MBTPS2: variants seen among roughly 807,000 people sequenced by gnomAD.
MBTPS2 encodes the protein membrane bound transcription factor peptidase, site 2.
Under a neutral mutation model 35.4 loss-of-function variants are expected in MBTPS2, and 2 were observed. That is an observed-to-expected ratio of 0.06 (90% confidence interval 0.02 to 0.18). The LOEUF is 0.18. Among genes scored for constraint, MBTPS2 ranks in the 10% least tolerant of loss-of-function variants. The pLI, the probability that MBTPS2 is intolerant of heterozygous loss-of-function variation, is 1.00. For missense variants in MBTPS2, 244 were observed against 386.5 expected (o/e 0.63, Z 3.09); for synonymous variants, 125 against 140.4 (o/e 0.89, Z 0.77).
In MBTPS2 at chrX:21,845,047, A is replaced by G. The variant is rs916062308; in HGVS notation, c.225-124A>G. On this transcript the variant is annotated intron_variant, in intron 2 of 10. Coordinates refer to ENST00000379484, the MANE Select transcript of MBTPS2 (RefSeq NM_015884.4). ...ATTTGAAGTTCATGTAGGAAAAAGA[A>G]GCAGAGTTACTGAAATTTTTTAGCC... 6.7e-6 allele frequency: 7 copies of G among 1,043,541 alleles called. No homozygotes were observed. The African/African-American group carries it at 7.4e-5, about 11-fold the overall frequency. 86.0% of individuals were successfully genotyped at this position (1,043,541 alleles called of 1,213,427 possible). A position where few individuals can be genotyped will look rare whatever the true frequency, so the allele number is the denominator to read the frequency against.
rs181476061 is a variant in MBTPS2, at chrX:21,871,775, G to A, written c.970+2097G>A. On this transcript the variant is annotated intron_variant, in intron 7 of 10. Transcript: ENST00000379484. ...TTTTGTTGAATTTCCTAAATTCTGG[G>A]TTTTTCTGGTTATATCTTATCCTCA... 18 of 111,086 alleles carry A rather than the reference G, an allele frequency of 1.6e-4. No homozygotes were observed. The East Asian group carries it at 5.0e-3, about 31-fold the overall frequency. The allele number at this position is 111,086 out of a possible 1,213,427, so 9.2% of individuals were successfully genotyped here.
intron 5 of MBTPS2, chrX:21,856,974 C>T: frequency 8.3e-7 from 1 of 1,212,110 alleles, no homozygotes; most frequent in Non-Finnish European, 1.1e-6. Context: ...CAGCTCCAGC[C>T]TGGGCACGAG....
chrX:21,857,010 G>A (rs763229180), intron 5 of MBTPS2: 2 of 1,211,991 alleles, frequency 1.7e-6, no homozygotes, highest in East Asian at 3.0e-5. Flanking sequence ...GCAAATGCAG[G>A]TCAAAACGCT....
At chrX:21,868,674 T>G in intron 6 of MBTPS2, 89 bp downstream of exon 6, 2 of 640,446 alleles carry the variant, frequency 3.1e-6, no homozygotes, top group Non-Finnish European at 5.3e-6. Flanking sequence ...TCAAGATCTC[T>G]TCATATACAA....
chrX:21,840,123 G>C (rs1042236968), intron 1 of MBTPS2, among the ~76,000 whole-genome samples: 1 of 112,617 alleles, frequency 8.9e-6, no homozygotes. Flanking sequence ...GTGCAGCAGG[G>C]AGGAAAAGAA....
chrX:21,855,556 C>T (rs112898280), intron 5 of MBTPS2, among the ~76,000 whole-genome samples: 1 of 109,683 alleles, frequency 9.1e-6, no homozygotes, highest in South Asian at 4.0e-4. Context: ...CTCAGCCTCC[C>T]GAGTAGCTAG....
chrX:21,878,615 C>T lies in MBTPS2; in HGVS notation c.1184C>T (p.Thr395Ile). 1 of 1,206,124 alleles carries T rather than the reference C, an allele frequency of 8.3e-7. No homozygotes were observed. Among genetic ancestry groups the T allele is most frequent in the Non-Finnish European group, 1.1e-6 (1 of 890,721 alleles). The change falls in exon 9 of 11, where the codon ACT (threonine) becomes ATT (isoleucine). Residue 395 changes from threonine (T) to isoleucine (I), a missense_variant. Coordinates refer to ENST00000379484, the MANE Select transcript of MBTPS2 (RefSeq NM_015884.4). ...FCIIPSLETHTRLIKVKHPPQ... is the reference protein window; with the variant it reads ...FCIIPSLETHIRLIKVKHPPQ... ...ATAATACCTTCTTTGGAAACTCACACTCGCTTAATAAAAGTAAAACACCCA... is the reference window on the plus strand; with the variant it reads ...ATAATACCTTCTTTGGAAACTCACATTCGCTTAATAAAAGTAAAACACCCA...
rs2092960889 is a variant in MBTPS2, at chrX:21,882,855, A to G, written c.*200A>G. ...GATAAGCAGAAGAAATGAAAGGCATAGTCCCTGACTATATTCTAATTTAGG... is the reference window on the plus strand; with the variant it reads ...GATAAGCAGAAGAAATGAAAGGCATGGTCCCTGACTATATTCTAATTTAGG... On this transcript the variant is annotated 3_prime_UTR_variant, in exon 11 of 11. Coordinates refer to ENST00000379484, the MANE Select transcript of MBTPS2 (RefSeq NM_015884.4). 2 of 1,085,358 alleles carry G rather than the reference A, an allele frequency of 1.8e-6. No homozygotes were observed. The highest frequency in any genetic ancestry group is 1.8e-5 in the African/African-American group (1 of 54,158). The allele number at this position is 1,085,358 out of a possible 1,213,427, so 89.4% of individuals were successfully genotyped here. A position where few individuals can be genotyped will look rare whatever the true frequency, so the allele number is the denominator to read the frequency against.
In MBTPS2 at chrX:21,878,663, T is replaced by C. The variant is rs1450771100; in HGVS notation, c.1232T>C (p.Val411Ala). Residue 411 changes from valine (V) to alanine (A), a missense_variant, in exon 9 of 11, where the codon GTA becomes GCA. Transcript: ENST00000379484. ...KHPPQIDMLY[V>A]GHPLHLHYTV... is the part of the protein sequence containing the mutation. ...CCACCTCAGATTGATATGTTATACG[T>C]AGGACATCCTCTGCATCTTCACTAC... The C allele has an allele frequency of 8.3e-7, 1 of 1,206,667 alleles. No individual in the cohort carries two copies. Among genetic ancestry groups the C allele is most frequent in the Non-Finnish European group, 1.1e-6 (1 of 891,086 alleles).
Position 21,884,072 on chromosome X carries a change from T to A in MBTPS2, c.*1417T>A, listed in dbSNP as rs1224626535. The A allele has an allele frequency of 1.3e-6, 1 of 751,227 alleles. No individual in the cohort carries two copies. The highest frequency in any genetic ancestry group is 8.8e-5 in the Admixed American group (1 of 11,347). The allele number at this position is 751,227 out of a possible 1,213,427, so 61.9% of individuals were successfully genotyped here. ...GGTTACCTTTTTCAGATTATTGAGT[T>A]GCTCTGTAAGCACTAAAACTTTTTA... On this transcript the variant is annotated 3_prime_UTR_variant, in exon 11 of 11. Coordinates refer to ENST00000379484, the MANE Select transcript of MBTPS2 (RefSeq NM_015884.4).
intron 5 of MBTPS2, chrX:21,857,678 C>T: frequency 9.8e-7 from 1 of 1,020,642 alleles, no homozygotes; most frequent in Non-Finnish European, 1.3e-6. Context: ...CCTCTCAAAG[C>T]TTTGTATGTT....
intron 5 of MBTPS2, among the ~76,000 whole-genome samples, chrX:21,867,632 CTTTTT>C (rs11290067): frequency 2.4e-5 from 2 of 84,309 alleles, no homozygotes; most frequent in Admixed American, 2.8e-4. Flanking sequence ...ACGGTTTTCT[CTTTTT>C]TTTTTTTTTT....
chrX:21,854,128 A>G (rs143549437), intron 5 of MBTPS2, among the ~76,000 whole-genome samples: 4,782 of 112,189 alleles, frequency 0.043, 115 homozygotes, highest in Non-Finnish European at 0.061. Flanking sequence ...AAATATAAAT[A>G]CTAATTTCCT....
chrX:21,853,559 A>G (rs966914055), intron 5 of MBTPS2, 56 bp downstream of exon 5: 21 of 1,113,705 alleles, frequency 1.9e-5, no homozygotes, highest in Non-Finnish European at 2.6e-5. Flanking sequence ...TTGATTTTCT[A>G]TGGTTAGTGC....
At chrX:21,876,763 C>A (rs1315215893) in intron 7 of MBTPS2, among the ~76,000 whole-genome samples, 5 of 111,272 alleles carry the variant, frequency 4.5e-5, no homozygotes, top group African/African-American at 6.5e-5. Context: ...AAACAAAAAA[C>A]TATTTAAAAA....
At position 21,867,858 on chromosome X, in the gene MBTPS2, G is replaced by C. The variant is rs758097796; in HGVS notation, c.671-609G>C. Among the ~76,000 whole-genome samples the C allele has an allele frequency of 4.2e-4, 46 of 110,833 alleles. 1 individual carries two copies. The highest frequency in any genetic ancestry group is 1.3e-4 in the Non-Finnish European group (7 of 52,888). ...GTTTCACCATGTTGGCCAAGCTGGT[G>C]TTGATCTCCTGACCTCGTGATCCGC... On this transcript the variant is annotated intron_variant, in intron 5 of 10. Coordinates refer to ENST00000379484, the MANE Select transcript of MBTPS2 (RefSeq NM_015884.4).
intron 2 of MBTPS2, among the ~76,000 whole-genome samples, chrX:21,844,680 A>G (rs973936805): frequency 7.1e-5 from 8 of 112,621 alleles, no homozygotes; most frequent in Non-Finnish European, 1.5e-4. Flanking sequence ...AACATGGCAG[A>G]TTATCTCCAC....
Position 21,883,790 on chromosome X carries a change from T to C in MBTPS2, c.*1135T>C. ...GGCTATACGTGAGTACAAACGTGGA[T>C]TTTCCAGGGCTTGGGAACTGATTCT... On this transcript the variant is annotated 3_prime_UTR_variant, in exon 11 of 11. Coordinates refer to ENST00000379484, the MANE Select transcript of MBTPS2 (RefSeq NM_015884.4). 1.3e-6 allele frequency: 1 copy of C among 754,053 alleles called. No individual in the cohort carries two copies. The allele number at this position is 754,053 out of a possible 1,213,427, so 62.1% of individuals were successfully genotyped here. A position where few individuals can be genotyped will look rare whatever the true frequency, so the allele number is the denominator to read the frequency against.
chrX:21,866,772 A>G (rs1361715071), intron 5 of MBTPS2, among the ~76,000 whole-genome samples: 1 of 110,807 alleles, frequency 9.0e-6, no homozygotes, highest in Non-Finnish European at 1.9e-5. Context: ...CACACCTGTA[A>G]TCCTAGCGCT....
Sources: allele counts gnomAD v4.1 joint callset (sites outside exome capture counted in the v4.1 genomes callset), GRCh38; gene constraint gnomAD v4.1.1; transcripts MANE v1.5; gene names NCBI Gene and HGNC (gene_info 2026-07-23, HGNC 2026-07-21).